ZNF892: variants seen among roughly 807,000 people sequenced by gnomAD.
The protein encoded by ZNF892 is zinc finger protein 570-like.
chr2:95,225,038 G>A, the ZNF892 span, among the ~76,000 whole-genome samples: 4 of 152,198 alleles, frequency 2.6e-5, no homozygotes, highest in Admixed American at 1.3e-4. Context: ...ATTTCTATTC[G>A]CTATAAATTA....
At chr2:95,210,675 A>G in the ZNF892 span, among the ~76,000 whole-genome samples, 6 of 152,258 alleles carry the variant, frequency 3.9e-5, no homozygotes, top group African/African-American at 1.2e-4. Context: ...CTTTCATTCA[A>G]ATATTCAACA....
chr2:95,231,760 T>G, the ZNF892 span, among the ~76,000 whole-genome samples: 1 of 151,900 alleles, frequency 6.6e-6, no homozygotes, highest in African/African-American at 2.4e-5. Flanking sequence ...TTGGTTTTAC[T>G]TTTTTTTAGG....
chr2:95,214,117 C>G, the ZNF892 span, among the ~76,000 whole-genome samples: 2 of 152,208 alleles, frequency 1.3e-5, no homozygotes, highest in African/African-American at 4.8e-5. Context: ...TGCACACACA[C>G]TCCTTTTATG....
At chr2:95,230,280 G>C in the ZNF892 span, among the ~76,000 whole-genome samples, 3 of 152,102 alleles carry the variant, frequency 2.0e-5, no homozygotes, top group Admixed American at 1.3e-4. Flanking sequence ...TACACTGCTC[G>C]TGTGATGGGT....
At chr2:95,231,461 T>G in the ZNF892 span, among the ~76,000 whole-genome samples, 1 of 152,230 alleles carries the variant, frequency 6.6e-6, no homozygotes, top group East Asian at 1.9e-4. Flanking sequence ...GATTGGGGTG[T>G]GCATACAACT....
At chr2:95,214,311 A>T in the ZNF892 span, 1 of 398,458 alleles carries the variant, frequency 2.5e-6, no homozygotes, top group Admixed American at 4.4e-5. Context: ...GAAATGATAC[A>T]CATGTGTGTT....
At chr2:95,231,315 T>G in the ZNF892 span, among the ~76,000 whole-genome samples, 2 of 152,228 alleles carry the variant, frequency 1.3e-5, no homozygotes, top group African/African-American at 4.8e-5. Flanking sequence ...TATTACATTA[T>G]TTCATTTATA....
chr2:95,241,140 C>T, the ZNF892 span, among the ~76,000 whole-genome samples: 3 of 152,232 alleles, frequency 2.0e-5, no homozygotes, highest in African/African-American at 7.2e-5. Context: ...CAAAGCAGCA[C>T]ACCTGCTCTA....
chr2:95,206,662 T>C, the ZNF892 span, among the ~76,000 whole-genome samples: 1 of 152,232 alleles, frequency 6.6e-6, no homozygotes, highest in Non-Finnish European at 1.5e-5. Flanking sequence ...GGCTTTATGT[T>C]TTCTCTTTGA....
the ZNF892 span, among the ~76,000 whole-genome samples, chr2:95,243,937 G>C: frequency 5.2e-4 from 79 of 152,306 alleles, 1 homozygote; most frequent in Admixed American, 3.3e-4. Context: ...AAATCGGATG[G>C]TTGCCGTGTC....
At chr2:95,231,871 C>A in the ZNF892 span, among the ~76,000 whole-genome samples, 872 of 152,266 alleles carry the variant, frequency 5.7e-3, 3 homozygotes, top group Middle Eastern at 0.01. Context: ...TCTCAGGAGA[C>A]CCTGGTGCTC....
chr2:95,225,571 G>A, the ZNF892 span, among the ~76,000 whole-genome samples: 1 of 152,292 alleles, frequency 6.6e-6, no homozygotes, highest in Middle Eastern at 3.4e-3. Flanking sequence ...CTTAACACCG[G>A]CAATTAAATT....
chr2:95,236,333 A>G, the ZNF892 span, among the ~76,000 whole-genome samples: 1 of 152,256 alleles, frequency 6.6e-6, no homozygotes, highest in Non-Finnish European at 1.5e-5. Context: ...TTACAAAGGT[A>G]TAATTTACCA....
the ZNF892 span, among the ~76,000 whole-genome samples, chr2:95,216,535 T>C: frequency 6.6e-6 from 1 of 152,254 alleles, no homozygotes; most frequent in African/African-American, 2.4e-5. Context: ...GCACTGACAC[T>C]GCATATTAGA....
the ZNF892 span, among the ~76,000 whole-genome samples, chr2:95,221,863 T>C: frequency 1.1e-4 from 16 of 152,322 alleles, no homozygotes; most frequent in African/African-American, 2.9e-4. Flanking sequence ...ACGAAGATAT[T>C]ACCCTTGTAA....
chr2:95,222,840 C>T, the ZNF892 span, among the ~76,000 whole-genome samples: 2 of 152,304 alleles, frequency 1.3e-5, no homozygotes, highest in African/African-American at 2.4e-5. Context: ...CCATCCCTAA[C>T]TAATGTTTAG....
At chr2:95,257,578 C>A in the ZNF892 span, among the ~76,000 whole-genome samples, 2 of 152,324 alleles carry the variant, frequency 1.3e-5, no homozygotes, top group African/African-American at 2.4e-5. Context: ...GCTGGGAGAA[C>A]CACTGCTCTC....
the ZNF892 span, among the ~76,000 whole-genome samples, chr2:95,247,796 A>C: frequency 2.0e-5 from 3 of 152,234 alleles, no homozygotes. Context: ...ATGAGATACC[A>C]TCTTACACCA....
At chr2:95,233,503 C>G in the ZNF892 span, among the ~76,000 whole-genome samples, 3 of 151,196 alleles carry the variant, frequency 2.0e-5, no homozygotes, top group African/African-American at 7.3e-5. Flanking sequence ...GAAACCGCAT[C>G]TCTACTAAAA....
Sources: gnomAD v4.1 joint callset for allele counts (sites outside exome capture counted in the v4.1 genomes callset) on GRCh38, gnomAD v4.1.1 for gene constraint, MANE v1.5 for transcripts, NCBI Gene and HGNC (gene_info 2026-07-23, HGNC 2026-07-21) for gene names.